GLIS3: variants seen among roughly 807,000 people sequenced by gnomAD.
GLIS3 encodes GLIS family zinc finger 3, also known as zinc finger protein GLIS3.
In GLIS3, 53 loss-of-function variants were observed where a neutral mutation model predicts 78.6. That is an observed-to-expected ratio of 0.67 (90% confidence interval 0.54 to 0.85). The LOEUF is 0.85. Among genes scored for constraint, GLIS3 ranks in the 40% least tolerant of loss-of-function variants. GLIS3 has a pLI of 0.00. For synonymous variants in GLIS3, 684 were observed against 509.9 expected, an observed-to-expected ratio of 1.34 and a Z score of -4.60; for missense variants, 1,703 against 1,231.1, an observed-to-expected ratio of 1.38 and a Z score of -5.74.
At chr9:4,247,151 C>A (rs1486856839) in intron 2 of GLIS3, among the ~76,000 whole-genome samples, 2 of 152,158 alleles carry the variant, frequency 1.3e-5, no homozygotes, top group African/African-American at 4.8e-5. Flanking sequence ...ACTCCCTCTG[C>A]CATTCGTAAG....
the GLIS3 span, among the ~76,000 whole-genome samples, chr9:4,430,416 T>C: frequency 2.6e-5 from 4 of 152,308 alleles, no homozygotes; most frequent in African/African-American, 7.2e-5. Flanking sequence ...TCTAGACAAA[T>C]AGGAGATCAG....
chr9:4,181,666 T>C (rs374794018), intron 2 of GLIS3, among the ~76,000 whole-genome samples: 11 of 152,372 alleles, frequency 7.2e-5, no homozygotes, highest in African/African-American at 1.9e-4. Context: ...TCTATCTATA[T>C]ATTCTTTGAA....
chr9:4,234,651 C>A (rs755254223), intron 2 of GLIS3, among the ~76,000 whole-genome samples: 57 of 152,258 alleles, frequency 3.7e-4, no homozygotes, highest in Middle Eastern at 6.8e-3. Context: ...TGAGCACATA[C>A]TGTTTGGAAA....
chr9:4,237,014 G>A (rs544992598), intron 2 of GLIS3, among the ~76,000 whole-genome samples: 2 of 152,064 alleles, frequency 1.3e-5, no homozygotes, highest in Admixed American at 1.3e-4. Flanking sequence ...GCTTCATTAG[G>A]CACATGTGGC....
chr9:4,241,015 C>G (rs1030834447), intron 2 of GLIS3, among the ~76,000 whole-genome samples: 3 of 152,004 alleles, frequency 2.0e-5, no homozygotes, highest in Admixed American at 6.6e-5. Flanking sequence ...TGAAATGAAT[C>G]TTAACGTGCA....
chr9:4,381,822 T>G, the GLIS3 span, among the ~76,000 whole-genome samples: 1 of 152,344 alleles, frequency 6.6e-6, no homozygotes, highest in East Asian at 1.9e-4. Context: ...GAGCCATTAT[T>G]TCTTTCTTAT....
chr9:4,219,364 G>C (rs944942374), intron 2 of GLIS3, among the ~76,000 whole-genome samples: 1 of 152,204 alleles, frequency 6.6e-6, no homozygotes, highest in Non-Finnish European at 1.5e-5. Flanking sequence ...GGTATGACAA[G>C]ACAAGGGTAA....
At chr9:4,228,300 C>G (rs1563791425) in intron 2 of GLIS3, among the ~76,000 whole-genome samples, 1 of 151,276 alleles carries the variant, frequency 6.6e-6, no homozygotes, top group Admixed American at 6.6e-5. Flanking sequence ...GACCTCTAGG[C>G]ACAACTGACA....
intron 4 of GLIS3, among the ~76,000 whole-genome samples, chr9:4,080,049 T>C (rs578037989): frequency 1.3e-5 from 2 of 152,352 alleles, no homozygotes; most frequent in South Asian, 2.1e-4. Flanking sequence ...GAAAATGCTA[T>C]TGTAAAAGTG....
chr9:4,183,590 G>C (rs940106475), intron 2 of GLIS3, among the ~76,000 whole-genome samples: 1 of 152,146 alleles, frequency 6.6e-6, no homozygotes, highest in East Asian at 1.9e-4. Flanking sequence ...CCCTCTACCA[G>C]TCAAGACCTC....
intron 4 of GLIS3, among the ~76,000 whole-genome samples, chr9:4,003,431 C>T (rs1821277918): frequency 6.6e-6 from 1 of 151,990 alleles, no homozygotes; most frequent in Non-Finnish European, 1.5e-5. Flanking sequence ...AACTTGAGTC[C>T]CTCTTACCAA....
At chr9:4,373,711 C>T in the GLIS3 span, among the ~76,000 whole-genome samples, 1 of 151,190 alleles carries the variant, frequency 6.6e-6, no homozygotes, top group Non-Finnish European at 1.5e-5. Context: ...TCTTGTCGCC[C>T]AGGCTGTAGT....
chr9:4,471,760 T>A, the GLIS3 span, among the ~76,000 whole-genome samples: 1 of 152,026 alleles, frequency 6.6e-6, no homozygotes, highest in Non-Finnish European at 1.5e-5. Flanking sequence ...ACAAATGGGA[T>A]CTAATTAAAC....
At chr9:4,152,765 A>G (rs563823139) in intron 2 of GLIS3, among the ~76,000 whole-genome samples, 4 of 152,356 alleles carry the variant, frequency 2.6e-5, no homozygotes, top group African/African-American at 9.6e-5. Flanking sequence ...CTTATATACC[A>G]TCAATTATAA....
At chr9:4,049,575 C>T (rs1442160637) in intron 4 of GLIS3, among the ~76,000 whole-genome samples, 1 of 152,022 alleles carries the variant, frequency 6.6e-6, no homozygotes, top group African/African-American at 2.4e-5. Context: ...TACATATATC[C>T]CCACCTCCAA....
At chr9:3,922,514 T>C (rs190883951) in intron 6 of GLIS3, among the ~76,000 whole-genome samples, 1 of 152,210 alleles carries the variant, frequency 6.6e-6, no homozygotes, top group Non-Finnish European at 1.5e-5. Flanking sequence ...GAATGGACTC[T>C]GAACATGATA....
At chr9:4,129,979 G>C (rs1418830489) in intron 2 of GLIS3, among the ~76,000 whole-genome samples, 5 of 152,180 alleles carry the variant, frequency 3.3e-5, no homozygotes, top group African/African-American at 1.2e-4. Flanking sequence ...GAACTTGTTG[G>C]GAACTGGAGC....
At chr9:4,433,502 A>C in the GLIS3 span, among the ~76,000 whole-genome samples, 1 of 152,226 alleles carries the variant, frequency 6.6e-6, no homozygotes, top group African/African-American at 2.4e-5. Flanking sequence ...GCACATACAG[A>C]GATTTATAGC....
At chr9:4,046,064 G>C (rs536987319) in intron 4 of GLIS3, among the ~76,000 whole-genome samples, 1 of 152,278 alleles carries the variant, frequency 6.6e-6, no homozygotes, top group South Asian at 2.1e-4. Flanking sequence ...ATCAGCCTAA[G>C]CTCATTTTTC....
Sources: gnomAD v4.1 joint callset for allele counts (sites outside exome capture counted in the v4.1 genomes callset) on GRCh38, gnomAD v4.1.1 for gene constraint, MANE v1.5 for transcripts, NCBI Gene and HGNC (gene_info 2026-07-23, HGNC 2026-07-21) for gene names.